Variants in VPS13C observed in about 807,000 individuals in gnomAD.
The protein encoded by VPS13C is intermembrane lipid transfer protein VPS13C.
In VPS13C, 358 loss-of-function variants were observed where a neutral mutation model predicts 456.8. The observed-to-expected ratio is 0.78, with a 90% CI of 0.72 to 0.86. The LOEUF is 0.86. VPS13C is among the 40% of genes least tolerant of loss of function. The pLI is 0.00. For missense variants in VPS13C, 4,818 were observed against 4,385.4 expected (o/e 1.10, Z -2.79); for synonymous variants, 1,578 against 1,486.7 (o/e 1.06, Z -1.41).
chr15:62,045,740 T>G (rs2048378824), intron 1 of VPS13C, among the ~76,000 whole-genome samples: 1 of 151,998 alleles, frequency 6.6e-6, no homozygotes, highest in South Asian at 2.1e-4. Context: ...ATTGCAGTAT[T>G]GGGAGGGAAA....
intron 38 of VPS13C, among the ~76,000 whole-genome samples, chr15:61,952,893 C>CT (rs1025500218): frequency 6.8e-4 from 98 of 144,530 alleles, no homozygotes; most frequent in South Asian, 4.4e-3. Flanking sequence ...AAAAAAAAAT[C>CT]TTTTTTTTTT....
At chr15:61,896,393 C>A (rs188840049) in intron 66 of VPS13C, among the ~76,000 whole-genome samples, 2 of 152,108 alleles carry the variant, frequency 1.3e-5, no homozygotes, top group African/African-American at 4.8e-5. Context: ...AGTGGGTGCA[C>A]GCATGGTGCG....
At chr15:61,959,664 A>G in intron 35 of VPS13C, 69 bp from the exon 36 acceptor site, 1 of 1,504,846 alleles carries the variant, frequency 6.6e-7, no homozygotes, top group Middle Eastern at 1.8e-4. Context: ...AAAAAAAAGC[A>G]AAGTCAAGCA....
In VPS13C at chr15:61,880,888, A is replaced by G; in HGVS notation, c.9843T>C (p.Ile3281=). 6.2e-7 allele frequency: 1 copy of G among 1,610,880 alleles called. No homozygotes were observed. Among genetic ancestry groups the G allele is most frequent in the Non-Finnish European group, 8.5e-7 (1 of 1,178,644 alleles). ...KIDQGFLGAI[I]ALFTPTTDPE... The stretch of plus-strand genomic sequence containing the variant: ...GGTCTGTTGTTGGGGTAAACAGTGC[A>G]ATAATAGCTCCTAGAAACCCTTGAT... The change falls in exon 72 of 85, where the codon ATT becomes ATC. Residue 3281 remains isoleucine (I), a synonymous_variant. Coordinates refer to ENST00000644861, the MANE Select transcript of VPS13C (RefSeq NM_020821.3).
intron 66 of VPS13C, among the ~76,000 whole-genome samples, chr15:61,895,274 T>A (rs2042773156): frequency 6.6e-6 from 1 of 151,634 alleles, no homozygotes; most frequent in Admixed American, 6.6e-5. Flanking sequence ...AGATTTCAAA[T>A]AAACAACCTA....
chr15:62,020,421 T>G, intron 9 of VPS13C, 58 bp downstream of exon 9: 1 of 1,447,422 alleles, frequency 6.9e-7, no homozygotes, highest in Admixed American at 2.2e-5. Context: ...ATTTACCCTG[T>G]GACTTCAGAA....
At chr15:61,981,191 T>C (rs1299498601) in intron 22 of VPS13C, 151 bp downstream of exon 22, 5 of 962,148 alleles carry the variant, frequency 5.2e-6, no homozygotes, top group African/African-American at 1.7e-5. Flanking sequence ...AAAACATATA[T>C]AAAATACTCC....
chr15:61,927,430 A>G (rs966719797), intron 51 of VPS13C, 110 bp from the exon 52 acceptor site: 1 of 770,208 alleles, frequency 1.3e-6, no homozygotes, highest in African/African-American at 1.8e-5. Flanking sequence ...TATAACAGAT[A>G]TGGTGAAACT....
chr15:62,057,565 G>C (rs769790438), intron 1 of VPS13C, among the ~76,000 whole-genome samples: 4 of 152,234 alleles, frequency 2.6e-5, no homozygotes, highest in African/African-American at 4.8e-5. Context: ...CAGAGGCAGA[G>C]TTGTGAGCTG....
intron 45 of VPS13C, among the ~76,000 whole-genome samples, chr15:61,945,441 G>A (rs754040205): frequency 6.6e-6 from 1 of 152,180 alleles, no homozygotes; most frequent in Non-Finnish European, 1.5e-5. Context: ...ACAAGTTACA[G>A]TGGAAAGCCC....
chr15:61,890,112 T>C (rs893679281), intron 67 of VPS13C, 53 bp downstream of exon 67: 2 of 1,554,544 alleles, frequency 1.3e-6, no homozygotes, highest in East Asian at 2.3e-5. Flanking sequence ...TCGGCTATTA[T>C]GAACTTAATG....
Position 61,962,855 on chromosome 15 carries a change from GAA to G in VPS13C, c.3332-5_3332-4del. ...GAGAGAAAGGGAGGAATCCAGTCCT[GAA>G]AAAAAGAGTGTATTATTATAATTTC... On this transcript the variant is annotated splice_region_variant and splice_polypyrimidine_tract_variant and intron_variant, in intron 32 of 84. Transcript: ENST00000644861. 1 of 1,565,910 alleles carries G rather than the reference GAA, an allele frequency of 6.4e-7. No individual in the cohort carries two copies. Among genetic ancestry groups the G allele is most frequent in the Non-Finnish European group, 8.7e-7 (1 of 1,146,360 alleles).
Position 61,917,378 on chromosome 15 carries a change from C to G in VPS13C, c.8018G>C (p.Arg2673Pro), listed in dbSNP as rs751099128. ...TCTTAGGGAATATGGGAGAAGATTC[C>G]GCAAAGTGAGAGAAGGATAAAGATG... ...IIHLYPSLTL[R>P]NLLPYSLRYL... is the part of the protein sequence containing the mutation. Residue 2673 changes from arginine to proline, a missense_variant, in exon 60 of 85, where the codon CGG becomes CCG. Arg to Pro is a moderately radical substitution (Grantham distance 103, BLOSUM62 -2). Coordinates refer to ENST00000644861, the MANE Select transcript of VPS13C (RefSeq NM_020821.3). 6.2e-7 allele frequency: 1 copy of G among 1,613,574 alleles called. No individual in the cohort carries two copies. Among genetic ancestry groups the G allele is most frequent in the Admixed American group, 1.7e-5 (1 of 59,964 alleles).
In VPS13C at chr15:61,890,237, G is replaced by C; in HGVS notation, c.9269C>G (p.Ser3090Cys). The C allele has an allele frequency of 1.2e-6, 2 of 1,614,062 alleles. No homozygotes were observed. The highest frequency in any genetic ancestry group is 1.7e-6 in the Non-Finnish European group (2 of 1,180,012). Reference sequence around the variant, plus strand: ...CAGTGAAAGCCCAAGACTGTGGAGAGACAAGGTTATTTCATAATCAGCCTG... The same window carrying C: ...CAGTGAAAGCCCAAGACTGTGGAGACACAAGGTTATTTCATAATCAGCCTG... ...MEQADYEITLSLHSLGLSLVN... is the reference protein window; with the variant it reads ...MEQADYEITLCLHSLGLSLVN... The change falls in exon 67 of 85, where the codon TCT becomes TGT. Residue 3090 changes from serine to cysteine, a missense_variant. By Grantham distance (112) the Ser-to-Cys change is moderately radical. Coordinates refer to ENST00000644861, the MANE Select transcript of VPS13C (RefSeq NM_020821.3).
chr15:61,979,877 G>A (rs926355183), intron 22 of VPS13C, among the ~76,000 whole-genome samples: 2 of 151,954 alleles, frequency 1.3e-5, no homozygotes, highest in Admixed American at 6.6e-5. Context: ...TTTCTTCAAA[G>A]AATTATAATA....
Position 61,962,798 on chromosome 15 carries a change from A to T in VPS13C, c.3386T>A (p.Leu1129Gln). 2 of 1,607,894 alleles carry T rather than the reference A, an allele frequency of 1.2e-6. No individual in the cohort carries two copies. The highest frequency in any genetic ancestry group is 1.7e-6 in the Non-Finnish European group (2 of 1,176,228). Residue 1129 changes from leucine (L) to glutamine (Q), a missense_variant, in exon 33 of 85, where the codon CTA becomes CAA. By Grantham distance (113) the Leu-to-Gln change is moderately radical. Around this residue, in one of 3 missense-constraint regions of VPS13C, gnomAD observed 4,552 missense variants for 4,130.6 expected, o/e 1.10. Transcript: ENST00000644861. The stretch of plus-strand genomic sequence containing the variant: ...AACATCTGTGACAATAATATTTTCT[A>T]GTCGGGCAAAAAGTGACTGCTTTCT... The part of the protein sequence containing the change: ...QSRKQSLFAR[L>Q]ENIIVTDVDP...
At chr15:61,973,565 G>A in intron 25 of VPS13C, 33 bp from the exon 26 acceptor site, 1 of 1,515,582 alleles carries the variant, frequency 6.6e-7, no homozygotes, top group African/African-American at 1.4e-5. Context: ...TTCTTAAAAA[G>A]GATGACTTAG....
intron 16 of VPS13C, among the ~76,000 whole-genome samples, chr15:61,996,987 TTACATACA>T (rs201206985): frequency 7.4e-6 from 1 of 134,468 alleles, no homozygotes; most frequent in African/African-American, 3.3e-5. Flanking sequence ...CCTATATATT[TTACATACA>T]TACATATATA....
chr15:61,941,849 C>CT lies in VPS13C; in HGVS notation c.5366dup (p.Phe1790ValfsTer2). ...AATGTTCCATAGGAACCAAGCTAAACTTGTTTTCAACTCTGATTAAACCCA... is the reference window on the plus strand; with the variant it reads ...AATGTTCCATAGGAACCAAGCTAAACTTTGTTTTCAACTCTGATTAAACCCA... On this transcript the variant is annotated frameshift_variant, in exon 46 of 85. Coordinates refer to ENST00000644861, the MANE Select transcript of VPS13C (RefSeq NM_020821.3). LOFTEE classifies it high-confidence loss of function. The CT allele has an allele frequency of 6.2e-7, 1 of 1,613,944 alleles. No homozygotes were observed. Among genetic ancestry groups the CT allele is most frequent in the Non-Finnish European group, 8.5e-7 (1 of 1,179,868 alleles).
Sources: allele counts gnomAD v4.1 joint callset (sites outside exome capture counted in the v4.1 genomes callset), GRCh38; gene constraint gnomAD v4.1.1; regional missense constraint gnomAD v4.1.1; transcripts MANE v1.5; gene names NCBI Gene and HGNC (gene_info 2026-07-23, HGNC 2026-07-21).